Variants in KAZN observed in about 807,000 individuals in gnomAD.
KAZN encodes kazrin, periplakin interacting protein.
KAZN carries 40 observed loss-of-function variants against 87.4 expected under a neutral mutation model. That is an observed-to-expected ratio of 0.46 (90% CI 0.36 to 0.60). The LOEUF is 0.60. Ranked by LOEUF, KAZN falls within the 20% of genes least tolerant of loss-of-function variation. The pLI is 0.00. For missense variants in KAZN, 898 were observed against 1,073.9 expected (o/e 0.84, Z 2.29); for synonymous variants, 466 against 458.3 (o/e 1.02, Z -0.22).
At chr1:15,101,885 C>G in intron 11 of KAZN, 111 bp downstream of exon 11, 1 of 688,568 alleles carries the variant, frequency 1.5e-6, no homozygotes, top group Admixed American at 2.2e-5. Context: ...ATCTGTCCAC[C>G]CATCCATCCA....
chr1:14,899,810 G>T (rs547622543), intron 1 of KAZN, among the ~76,000 whole-genome samples: 47 of 152,234 alleles, frequency 3.1e-4, no homozygotes, highest in Non-Finnish European at 6.0e-4. Context: ...GTGAGCAACC[G>T]TCTTAAGCAC....
chr1:14,883,346 GAAAGAAAGAAAAGAA>G, intron 1 of KAZN, among the ~76,000 whole-genome samples: 1 of 32,522 alleles, frequency 3.1e-5, no homozygotes, highest in Non-Finnish European at 6.4e-5. Context: ...GAGAGAGAAA[GAAAGAAAGAAAAGAA>G]AGAAAGAAAG....
chr1:14,864,360 C>T (rs773218816), intron 1 of KAZN, among the ~76,000 whole-genome samples: 5 of 151,946 alleles, frequency 3.3e-5, no homozygotes, highest in Non-Finnish European at 5.9e-5. Flanking sequence ...GTCAGGAGTT[C>T]GAGACCAGCC....
chr1:14,567,321 T>C (rs1318369850), intron 2 of KAZN, among the ~76,000 whole-genome samples: 1 of 152,164 alleles, frequency 6.6e-6, no homozygotes, highest in East Asian at 1.9e-4. Context: ...CCATCTTATA[T>C]TGTTGTGGTT....
chr1:14,793,203 G>C (rs761753993), intron 1 of KAZN, among the ~76,000 whole-genome samples: 1 of 152,150 alleles, frequency 6.6e-6, no homozygotes. Context: ...GCCTGGGCAG[G>C]AAATGATGGC....
chr1:14,357,942 T>C (rs1001241554), intron 2 of KAZN, among the ~76,000 whole-genome samples: 4 of 152,190 alleles, frequency 2.6e-5, no homozygotes. Context: ...CCTCATTAAA[T>C]TAGTTAGGGA....
At chr1:14,833,171 T>C (rs1237594906) in intron 1 of KAZN, among the ~76,000 whole-genome samples, 1 of 152,122 alleles carries the variant, frequency 6.6e-6, no homozygotes, top group Non-Finnish European at 1.5e-5. Flanking sequence ...TTGGAGTGGG[T>C]TGAGGCAGAG....
chr1:14,889,096 G>A (rs556580916), intron 1 of KAZN, among the ~76,000 whole-genome samples: 7 of 152,320 alleles, frequency 4.6e-5, no homozygotes, highest in East Asian at 1.9e-4. Flanking sequence ...ATTCCGGGCC[G>A]CATGCAGCCT....
chr1:14,560,491 T>C (rs1196711859), intron 2 of KAZN, among the ~76,000 whole-genome samples: 1 of 152,116 alleles, frequency 6.6e-6, no homozygotes, highest in Non-Finnish European at 1.5e-5. Flanking sequence ...AGGCAGAGAA[T>C]TGCTTGAACC....
chr1:14,627,039 C>G (rs10803291), intron 1 of KAZN, among the ~76,000 whole-genome samples: 151,891 of 152,116 alleles, frequency 1, 75,835 homozygotes, highest in Middle Eastern at 1. Context: ...TATGTTCCAG[C>G]CACTGTTGGA....
At chr1:14,533,852 C>A (rs1672339642) in intron 2 of KAZN, among the ~76,000 whole-genome samples, 2 of 152,162 alleles carry the variant, frequency 1.3e-5, no homozygotes, top group African/African-American at 4.8e-5. Context: ...TTCTCTAATT[C>A]TTTGACCTGT....
At position 14,599,586 on chromosome 1, in the gene KAZN, G is replaced by A. The variant is rs973199969; in HGVS notation, c.226+363G>A. Among the ~76,000 whole-genome samples, 2 of 152,158 alleles carry A rather than the reference G, an allele frequency of 1.3e-5. No homozygotes were observed. Among genetic ancestry groups the A allele is most frequent in the Admixed American group, 6.5e-5 (1 of 15,284 alleles). On this transcript the variant is annotated intron_variant, in intron 1 of 14. Coordinates refer to ENST00000376030, the MANE Select transcript of KAZN (RefSeq NM_201628.3). The surrounding 1 kb of genome is among the most constrained non-coding windows in gnomAD (Gnocchi z 4.4). ...GGCCTTTTCCCCACCCCCCGCAGGG[G>A]TGAATGGCACAGTTCCCCCCACTTC...
intron 2 of KAZN, among the ~76,000 whole-genome samples, chr1:14,221,215 A>T (rs1407077976): frequency 6.6e-6 from 1 of 152,182 alleles, no homozygotes; most frequent in East Asian, 1.9e-4. Flanking sequence ...ATGATTTTCA[A>T]TATGTTTTAG....
intron 2 of KAZN, among the ~76,000 whole-genome samples, chr1:14,511,988 G>C (rs1247356476): frequency 6.6e-6 from 1 of 152,158 alleles, no homozygotes; most frequent in Non-Finnish European, 1.5e-5. Context: ...GAATTTTTCA[G>C]GGGGTGGAAA....
intron 7 of KAZN, 100 bp from the exon 8 acceptor site, chr1:15,065,530 C>T (rs1639155955): frequency 1.9e-6 from 2 of 1,070,646 alleles, no homozygotes; most frequent in Non-Finnish European, 2.8e-6. Context: ...TCAGAGAGGC[C>T]TTCCCCACCC....
chr1:14,254,789 C>T lies in KAZN; in HGVS notation c.249+74197C>T, dbSNP rs558548867. Among the ~76,000 whole-genome samples the T allele has an allele frequency of 9.1e-4, 138 of 152,010 alleles. 1 individual carries two copies. Among genetic ancestry groups the T allele is most frequent in the African/African-American group, 3.1e-3 (128 of 41,486 alleles). On this transcript the variant is annotated intron_variant, in intron 2 of 16. Transcript: ENST00000636203. ...GACACCAACATCTACTGAGCTTCTGCGGGAAGCCTCAGGAAGCTTACAAGC... is the reference window on the plus strand; with the variant it reads ...GACACCAACATCTACTGAGCTTCTGTGGGAAGCCTCAGGAAGCTTACAAGC...
At chr1:14,906,109 G>A (rs1188714640) in intron 1 of KAZN, among the ~76,000 whole-genome samples, 1 of 151,286 alleles carries the variant, frequency 6.6e-6, no homozygotes, top group Non-Finnish European at 1.5e-5. Flanking sequence ...GGGGCTTGCA[G>A]TGAGCCAAGA....
At chr1:14,285,125 TC>T (rs1553153884) in intron 2 of KAZN, among the ~76,000 whole-genome samples, 2 of 152,162 alleles carry the variant, frequency 1.3e-5, no homozygotes, top group Non-Finnish European at 2.9e-5. Context: ...AGGCCTAATC[TC>T]TCTCTGTCTC....
At chr1:14,656,260 G>C (rs1341664344) in intron 1 of KAZN, among the ~76,000 whole-genome samples, 1 of 152,208 alleles carries the variant, frequency 6.6e-6, no homozygotes, top group Non-Finnish European at 1.5e-5. Flanking sequence ...TGCTCTCTCA[G>C]AGTCGGATGA....
Sources: allele counts gnomAD v4.1 joint callset (sites outside exome capture counted in the v4.1 genomes callset), GRCh38; gene constraint gnomAD v4.1.1; non-coding constraint Gnocchi (gnomAD v3.1); transcripts MANE v1.5; gene names NCBI Gene and HGNC (gene_info 2026-07-23, HGNC 2026-07-21).